Variants in ERP44 observed in about 807,000 individuals in gnomAD.
ERP44 encodes endoplasmic reticulum resident protein 44.
In ERP44, 25 loss-of-function variants were observed where a neutral mutation model predicts 53.4. The ratio of observed to expected loss-of-function variants is 0.47; its 90% CI spans 0.34 to 0.65. The LOEUF (loss-of-function observed/expected upper bound fraction) is 0.65, where lower values mean the gene tolerates loss of function less well. ERP44 is among the 30% of genes least tolerant of loss of function. ERP44 has a pLI of 0.01. For missense variants in ERP44, 338 were observed against 493.2 expected (o/e 0.69, Z 2.98); for synonymous variants, 145 against 161.2 (o/e 0.90, Z 0.76).
chr9:100,058,720 T>G (rs142041400), intron 2 of ERP44, among the ~76,000 whole-genome samples: 253 of 152,282 alleles, frequency 1.7e-3, no homozygotes, highest in African/African-American at 5.8e-3. Flanking sequence ...TGTAAAGACA[T>G]GAGAAAGATG....
At chr9:99,983,678 C>T (rs1466628629) in intron 11 of ERP44, among the ~76,000 whole-genome samples, 1 of 151,858 alleles carries the variant, frequency 6.6e-6, no homozygotes, top group African/African-American at 2.4e-5. Context: ...CATAGGCACA[C>T]AGTGCATATA....
chr9:100,041,965 A>G (rs555947114), intron 4 of ERP44, among the ~76,000 whole-genome samples: 2 of 152,210 alleles, frequency 1.3e-5, no homozygotes, highest in Non-Finnish European at 2.9e-5. Context: ...ACAAGAAAAC[A>G]TTGGGGAAAC....
intron 10 of ERP44, among the ~76,000 whole-genome samples, chr9:99,995,870 A>G (rs143263645): frequency 6.8e-6 from 1 of 147,022 alleles, no homozygotes; most frequent in East Asian, 2.0e-4. Context: ...TTGATTTCCT[A>G]TCTTTTGGAT....
chr9:100,026,036 TC>T (rs1315024681), intron 4 of ERP44, among the ~76,000 whole-genome samples: 3 of 152,220 alleles, frequency 2.0e-5, no homozygotes, highest in Non-Finnish European at 4.4e-5. Flanking sequence ...GAAGAACCAT[TC>T]CTAAGGTAAG....
intron 4 of ERP44, among the ~76,000 whole-genome samples, chr9:100,043,526 G>A (rs1825936614): frequency 1.3e-5 from 2 of 151,862 alleles, no homozygotes; most frequent in Admixed American, 6.6e-5. Context: ...AGGCTGAGGC[G>A]GGTGGATCAC....
At position 100,060,149 on chromosome 9, in the gene ERP44, T is replaced by C; in HGVS notation, c.81A>G (p.Val27=). The change falls in exon 2 of 12, where the codon GTA becomes GTG. Residue 27 remains valine (V), a synonymous_variant. Transcript: ENST00000262455. The part of the protein sequence containing the change: ...LLLVTWVFTP[V]TTEITSLDTE... ...TATCAAGACTTGTTATTTCAGTTGT[T>C]ACAGGAGTAAAAACCCAAGTTACCT... 2 of 1,498,376 alleles carry C rather than the reference T, an allele frequency of 1.3e-6. No individual in the cohort carries two copies. The highest frequency in any genetic ancestry group is 2.5e-5 in the East Asian group (1 of 40,068). 92.8% of individuals were successfully genotyped at this position (1,498,376 alleles called of 1,614,324 possible).
intron 1 of ERP44, among the ~76,000 whole-genome samples, chr9:100,096,681 T>A (rs1826635065): frequency 6.6e-6 from 1 of 152,154 alleles, no homozygotes; most frequent in African/African-American, 2.4e-5. Context: ...AATATACAGC[T>A]TTTTAGAGGA....
chr9:100,060,057 A>G, intron 2 of ERP44, 43 bp downstream of exon 2: 1 of 1,358,160 alleles, frequency 7.4e-7, no homozygotes, highest in Non-Finnish European at 9.6e-7. Context: ...CTAACTCTCT[A>G]TAGAGAAGAA....
At chr9:100,098,618 G>A (rs1011144707) in intron 1 of ERP44, among the ~76,000 whole-genome samples, 166 bp downstream of exon 1, 1 of 152,212 alleles carries the variant, frequency 6.6e-6, no homozygotes, top group Non-Finnish European at 1.5e-5. Flanking sequence ...CGGGGACTCC[G>A]CGCCTGGAAG....
intron 11 of ERP44, among the ~76,000 whole-genome samples, chr9:99,984,124 T>C (rs576428632): frequency 6.6e-6 from 1 of 152,322 alleles, no homozygotes; most frequent in Admixed American, 6.5e-5. Context: ...TGGATTCCTA[T>C]AGGGAATTCT....
chr9:100,017,452 ATAATC>A (rs1830535572), intron 7 of ERP44, among the ~76,000 whole-genome samples: 2 of 152,240 alleles, frequency 1.3e-5, no homozygotes, highest in African/African-American at 4.8e-5. Context: ...CTGGATTCTG[ATAATC>A]TAGAGATGAT....
chr9:99,999,319 CTGATT>C (rs1281930656), intron 10 of ERP44, among the ~76,000 whole-genome samples: 2 of 152,078 alleles, frequency 1.3e-5, no homozygotes, highest in South Asian at 2.1e-4. Flanking sequence ...TTTTTTCTTA[CTGATT>C]TAAGTTCATT....
intron 8 of ERP44, among the ~76,000 whole-genome samples, chr9:100,011,747 C>G (rs1026302187): frequency 2.2e-4 from 34 of 152,094 alleles, no homozygotes; most frequent in African/African-American, 8.2e-4. Flanking sequence ...CTTTGAGAAG[C>G]AGGTTCAAAA....
chr9:100,098,989 A>G lies in ERP44; in HGVS notation c.-149T>C, dbSNP rs1371918548. The G allele has an allele frequency of 3.2e-6, 2 of 628,908 alleles. No individual in the cohort carries two copies. Among genetic ancestry groups the G allele is most frequent in the South Asian group, 1.8e-5 (1 of 55,132 alleles). The allele number at this position is 628,908 out of a possible 1,614,324, so 39.0% of individuals were successfully genotyped here. ...ACCTCGTCCTCTCGACCCGGGCTCC[A>G]GCGGCGAACACCCGGGACAACTTCC... On this transcript the variant is annotated 5_prime_UTR_variant, in exon 1 of 12. Coordinates refer to ENST00000262455, the MANE Select transcript of ERP44 (RefSeq NM_015051.3).
intron 5 of ERP44, among the ~76,000 whole-genome samples, chr9:100,021,267 T>A (rs1164387690): frequency 6.6e-6 from 1 of 152,126 alleles, no homozygotes; most frequent in African/African-American, 2.4e-5. Context: ...AAATAGTGAG[T>A]TCCCCAAGCC....
rs538989147 is a variant in ERP44, at chr9:99,999,366, GTA to G, written c.1016+7138_1016+7139del. On this transcript the variant is annotated intron_variant, in intron 10 of 11. Coordinates refer to ENST00000262455, the MANE Select transcript of ERP44 (RefSeq NM_015051.3). ...TCTGGATGTTAGTCCTTTGTCAGAC[GTA>G]TAGATTGTGAAGATTTTCTCCCACT... 3.4e-4 allele frequency among the ~76,000 whole-genome samples: 52 copies of G among 152,242 alleles called. No homozygotes were observed. In the South Asian group the frequency reaches 0.01, roughly 30 times the overall value.
At chr9:100,063,077 A>C (rs1227819255) in intron 1 of ERP44, among the ~76,000 whole-genome samples, 1 of 141,670 alleles carries the variant, frequency 7.1e-6, no homozygotes, top group Non-Finnish European at 1.5e-5. Flanking sequence ...CTGTCTCACA[A>C]AAAAAAAAAA....
rs1188403424 is a variant in ERP44 at position 100,057,959 on chromosome 9, T to G, written c.131-100A>C. Reference sequence around the variant, plus strand: ...ATCTTTGTCCAATATAAGGGTCCACTTAAAAAAACACAGTAACTATTATCT... The same window carrying G: ...ATCTTTGTCCAATATAAGGGTCCACGTAAAAAAACACAGTAACTATTATCT... On this transcript the variant is annotated intron_variant, in intron 2 of 11. Coordinates refer to ENST00000262455, the MANE Select transcript of ERP44 (RefSeq NM_015051.3). 10 of 879,934 alleles carry G rather than the reference T, an allele frequency of 1.1e-5. No homozygotes were observed. In the East Asian group the frequency reaches 2.6e-4, roughly 23 times the overall value. 54.5% of individuals were successfully genotyped at this position (879,934 alleles called of 1,614,324 possible). A position where few individuals can be genotyped will look rare whatever the true frequency, so the allele number is the denominator to read the frequency against.
chr9:100,054,488 G>A (rs999377059), intron 3 of ERP44, among the ~76,000 whole-genome samples: 1 of 152,204 alleles, frequency 6.6e-6, no homozygotes, highest in African/African-American at 2.4e-5. Context: ...CACTCATTAA[G>A]TATTTAAGCA....
Sources: gnomAD v4.1 joint callset for allele counts (sites outside exome capture counted in the v4.1 genomes callset) on GRCh38, gnomAD v4.1.1 for gene constraint, MANE v1.5 for transcripts, NCBI Gene and HGNC (gene_info 2026-07-23, HGNC 2026-07-21) for gene names.